The following FBXO11 variants were observed in gnomAD, a reference collection of about 807,000 sequenced individuals.
The protein encoded by FBXO11 is F-box only protein 11.
A neutral mutation model predicts 117.0 loss-of-function variants in FBXO11; 13 were observed. The ratio of observed to expected loss-of-function variants is 0.11; its 90% CI spans 0.07 to 0.18. FBXO11 has a LOEUF of 0.18. Ranked by LOEUF, FBXO11 falls within the 10% of genes least tolerant of loss-of-function variation. FBXO11 has a pLI of 1.00. For missense variants in FBXO11, 767 were observed against 1,164.4 expected, an observed-to-expected ratio of 0.66 and a Z score of 4.97; for synonymous variants, 490 against 380.5, an observed-to-expected ratio of 1.29 and a Z score of -3.35.
chr2:47,818,725 C>A, intron 16 of FBXO11, 54 bp downstream of exon 16: 6 of 1,261,674 alleles, frequency 4.8e-6, no homozygotes, highest in Non-Finnish European at 5.6e-6. Flanking sequence ...CTTTTACACA[C>A]CCCACATACT....
intron 18 of FBXO11, chr2:47,811,504 A>G (rs1175591379): frequency 6.6e-6 from 1 of 152,278 alleles, no homozygotes; most frequent in Non-Finnish European, 1.5e-5. Flanking sequence ...GGCATGAGCC[A>G]CTGCACCCGG....
At chr2:47,878,523 A>C (rs1676185874) in intron 1 of FBXO11, among the ~76,000 whole-genome samples, 1 of 151,882 alleles carries the variant, frequency 6.6e-6, no homozygotes, top group Non-Finnish European at 1.5e-5. Flanking sequence ...TGCCGGGCTA[A>C]TTTTTGTATT....
chr2:47,810,636 C>T (rs1670545793), intron 18 of FBXO11: 1 of 445,260 alleles, frequency 2.2e-6, no homozygotes, highest in South Asian at 4.0e-5. Flanking sequence ...GCATTCTGAC[C>T]AATAATCTGC....
intron 1 of FBXO11, among the ~76,000 whole-genome samples, chr2:47,885,908 C>T (rs1390647358): frequency 3.3e-5 from 5 of 152,138 alleles, no homozygotes; most frequent in African/African-American, 9.7e-5. Context: ...AGTTTAAGTA[C>T]CCCCACTATC....
chr2:47,838,246 G>C (rs1672742373), intron 4 of FBXO11, among the ~76,000 whole-genome samples: 1 of 151,752 alleles, frequency 6.6e-6, no homozygotes, highest in East Asian at 1.9e-4. Flanking sequence ...AAAAACAAAT[G>C]AAAATCTCTT....
chr2:47,840,451 CTTT>C (rs34381400), intron 1 of FBXO11, among the ~76,000 whole-genome samples: 4 of 132,658 alleles, frequency 3.0e-5, no homozygotes, highest in African/African-American at 2.8e-5. Context: ...GTATGAACAT[CTTT>C]TTTTTTTTTT....
chr2:47,813,169 C>G, intron 18 of FBXO11, 65 bp downstream of exon 18: 1 of 1,461,058 alleles, frequency 6.8e-7, no homozygotes, highest in East Asian at 2.3e-5. Flanking sequence ...TGTCATTGAT[C>G]ATTAAAGATA....
rs750785236 is a variant in FBXO11, at chr2:47,808,110, G to A, written c.*8C>T. On this transcript the variant is annotated 3_prime_UTR_variant, in exon 23 of 23. Transcript: ENST00000403359. ...ACAATGGCAGGACTTTTTCTTTAGG[G>A]AAGGAATTCAGTTGTGCTGCAATGT... 27 of 1,595,654 alleles carry A rather than the reference G, an allele frequency of 1.7e-5. No homozygotes were observed. In the Admixed American group the frequency reaches 3.7e-4, roughly 22 times the overall value.
At chr2:47,842,120 A>G (rs573341006) in intron 1 of FBXO11, among the ~76,000 whole-genome samples, 4 of 151,232 alleles carry the variant, frequency 2.6e-5, no homozygotes, top group Non-Finnish European at 5.9e-5. Flanking sequence ...GGTTCAAGCC[A>G]TTCTCCGGCC....
intron 1 of FBXO11, among the ~76,000 whole-genome samples, chr2:47,901,163 A>AGACG (rs758782451): frequency 7.6e-6 from 1 of 132,416 alleles, no homozygotes; most frequent in Non-Finnish European, 1.7e-5. Flanking sequence ...ACATATATAC[A>AGACG]TATATATGTA....
At chr2:47,861,961 G>A in intron 1 of FBXO11, among the ~76,000 whole-genome samples, 1 of 151,252 alleles carries the variant, frequency 6.6e-6, no homozygotes, top group East Asian at 1.9e-4. Context: ...TGCCCAGGCT[G>A]GAGTGCAGTG....
At chr2:47,890,141 T>G (rs1045666519) in intron 1 of FBXO11, among the ~76,000 whole-genome samples, 1 of 151,948 alleles carries the variant, frequency 6.6e-6, no homozygotes, top group Non-Finnish European at 1.5e-5. Context: ...TTTATTTATT[T>G]ATTTATTTCA....
At chr2:47,878,184 T>C (rs968888639) in intron 1 of FBXO11, among the ~76,000 whole-genome samples, 1 of 152,136 alleles carries the variant, frequency 6.6e-6, no homozygotes, top group Admixed American at 6.6e-5. Context: ...CCCTTTAGTT[T>C]CTGGGGTAAT....
intron 1 of FBXO11, among the ~76,000 whole-genome samples, chr2:47,898,823 A>C (rs1452213699): frequency 6.6e-6 from 1 of 152,194 alleles, no homozygotes; most frequent in Admixed American, 6.5e-5. Flanking sequence ...CATTCTGCCA[A>C]ATGTATTTTG....
In FBXO11 at chr2:47,871,061, T is replaced by C. The variant is rs192649214; in HGVS notation, c.233-31292A>G. 1.1e-4 allele frequency among the ~76,000 whole-genome samples: 16 copies of C among 152,236 alleles called. 1 individual carries two copies. The highest frequency in any genetic ancestry group is 6.8e-3 in the Middle Eastern group (2 of 292). On this transcript the variant is annotated intron_variant, in intron 1 of 22. Coordinates refer to ENST00000403359, the MANE Select transcript of FBXO11 (RefSeq NM_001190274.2). ...CTTTGATACTCCTCTTCCTTGAGTA[T>C]TGATACTCCTCCCCTTAAGTATTGG...
At chr2:47,901,134 T>C (rs1187233276) in intron 1 of FBXO11, among the ~76,000 whole-genome samples, 1 of 120,362 alleles carries the variant, frequency 8.3e-6, no homozygotes, top group Non-Finnish European at 2.0e-5. Flanking sequence ...TGTACATGTA[T>C]ATATATACAC....
rs142468393 is a variant in FBXO11 at position 47,838,586 on chromosome 2, TTA to T, written c.587+271_587+272del. Among the ~76,000 whole-genome samples, 501 of 152,340 alleles carry T rather than the reference TTA, an allele frequency of 3.3e-3. 3 individuals carry two copies. In the Middle Eastern group the frequency reaches 0.041, roughly 12 times the overall value. ...TCATTAGCTATTTTAAATTACACTGTTATGTTTCTAAAAAGCTACTAAAAGAA... is the reference window on the plus strand; with the variant it reads ...TCATTAGCTATTTTAAATTACACTGTTGTTTCTAAAAAGCTACTAAAAGAA... On this transcript the variant is annotated intron_variant, in intron 4 of 22. Coordinates refer to ENST00000403359, the MANE Select transcript of FBXO11 (RefSeq NM_001190274.2).
At chr2:47,889,740 T>C (rs2103970898) in intron 1 of FBXO11, among the ~76,000 whole-genome samples, 1 of 152,258 alleles carries the variant, frequency 6.6e-6, no homozygotes, top group Non-Finnish European at 1.5e-5. Flanking sequence ...ACTCAAGTTT[T>C]ACGAAAAGAA....
intron 17 of FBXO11, 114 bp downstream of exon 17, chr2:47,813,677 C>A: frequency 1.3e-6 from 1 of 780,846 alleles, no homozygotes; most frequent in Non-Finnish European, 2.1e-6. Flanking sequence ...GGGTGATCCA[C>A]CCATCTCGGC....
Sources: allele counts gnomAD v4.1 joint callset (sites outside exome capture counted in the v4.1 genomes callset), GRCh38; gene constraint gnomAD v4.1.1; transcripts MANE v1.5; gene names NCBI Gene and HGNC (gene_info 2026-07-23, HGNC 2026-07-21).